Variants in NEIL2 observed in about 807,000 individuals in gnomAD.
NEIL2 encodes nei like DNA glycosylase 2.
In NEIL2, 23 loss-of-function variants were observed where a neutral mutation model predicts 22.2. That is an observed-to-expected ratio of 1.04 (90% confidence interval 0.75 to 1.47). The LOEUF is 1.47. Among genes scored for constraint, NEIL2 ranks in the 40% most tolerant of loss-of-function variants. The pLI is 0.00. For synonymous variants in NEIL2, 229 were observed against 164.8 expected (o/e 1.39, Z -2.99); for missense variants, 583 against 404.7 (o/e 1.44, Z -3.78).
At chr8:11,770,631 T>G (rs542073439) in intron 1 of NEIL2, among the ~76,000 whole-genome samples, 1 of 152,336 alleles carries the variant, frequency 6.6e-6, no homozygotes, top group Middle Eastern at 3.4e-3. Context: ...TCATAACTTA[T>G]AGAGAGGCTG....
chr8:11,771,679 G>A lies in NEIL2; in HGVS notation c.138+94G>A. 2.9e-6 allele frequency: 4 copies of A among 1,383,842 alleles called. No individual in the cohort carries two copies. The South Asian group carries it at 5.5e-5, about 19-fold the overall frequency. The allele number at this position is 1,383,842 out of a possible 1,614,324, so 85.7% of individuals were successfully genotyped here. ...ATATGTCTCAGGGTGTCACTTCCCT[G>A]AGTCCGGAACCACCAAGCTCGGACT... On this transcript the variant is annotated intron_variant, in intron 2 of 4. Coordinates refer to ENST00000284503, the MANE Select transcript of NEIL2 (RefSeq NM_145043.4).
At chr8:11,779,372 G>A (rs181230779) in intron 2 of NEIL2, among the ~76,000 whole-genome samples, 31 of 152,326 alleles carry the variant, frequency 2.0e-4, no homozygotes, top group Admixed American at 1.0e-3. Context: ...GCATGGGTGT[G>A]TTTCACTGCC....
chr8:11,781,623 A>G (rs748391659), intron 3 of NEIL2, among the ~76,000 whole-genome samples: 1 of 152,190 alleles, frequency 6.6e-6, no homozygotes, highest in Non-Finnish European at 1.5e-5. Flanking sequence ...GTGAATGTGT[A>G]TCATGCCATT....
At chr8:11,783,531 C>A in intron 4 of NEIL2, 132 bp downstream of exon 4, 1 of 750,520 alleles carries the variant, frequency 1.3e-6, no homozygotes, top group Non-Finnish European at 2.4e-6. Flanking sequence ...CTTGCTCAAT[C>A]TCCTTTCTTT....
intron 2 of NEIL2, among the ~76,000 whole-genome samples, chr8:11,778,402 T>C (rs1481851806): frequency 6.6e-6 from 1 of 151,752 alleles, no homozygotes; most frequent in Non-Finnish European, 1.5e-5. Flanking sequence ...TTTCGAAAGG[T>C]AATGCTCTTT....
At chr8:11,777,899 A>T (rs989989281) in intron 2 of NEIL2, among the ~76,000 whole-genome samples, 1 of 152,240 alleles carries the variant, frequency 6.6e-6, no homozygotes, top group African/African-American at 2.4e-5. Context: ...TCTATGGCCT[A>T]ATCTCAAAGT....
intron 2 of NEIL2, among the ~76,000 whole-genome samples, chr8:11,775,624 T>G (rs1478698312): frequency 6.6e-6 from 1 of 152,220 alleles, no homozygotes; most frequent in Non-Finnish European, 1.5e-5. Flanking sequence ...TACTGCATCA[T>G]CAGGCTGCAA....
chr8:11,780,447 C>G (rs1209869703), intron 3 of NEIL2, among the ~76,000 whole-genome samples: 1 of 152,204 alleles, frequency 6.6e-6, no homozygotes, highest in Non-Finnish European at 1.5e-5. Flanking sequence ...GTGGCACGAT[C>G]TCGCCTCACT....
Position 11,786,087 on chromosome 8 carries a change from G to T in NEIL2, c.813G>T (p.Trp271Cys). Reference sequence around the variant, plus strand: ...ACGTGGTGGAGTTCAGTACAGCCTGGCTGCAGGGCAAGTTCCAAGGCAGAC... The same window carrying T: ...ACGTGGTGGAGTTCAGTACAGCCTGTCTGCAGGGCAAGTTCCAAGGCAGAC... ...VDHVVEFSTA[W>C]LQGKFQGRPQ... The change falls in exon 5 of 5, where the codon TGG becomes TGT. Residue 271 changes from tryptophan (W) to cysteine (C), a missense_variant. Transcript: ENST00000284503. 1 of 1,614,166 alleles carries T rather than the reference G, an allele frequency of 6.2e-7. No individual in the cohort carries two copies. The highest frequency in any genetic ancestry group is 1.1e-5 in the South Asian group (1 of 91,082).
Position 11,771,582 on chromosome 8 carries a change from C to G in NEIL2, c.135C>G (p.Thr45=), listed in dbSNP as rs919146736. 9 of 1,613,544 alleles carry G rather than the reference C, an allele frequency of 5.6e-6. No individual in the cohort carries two copies. The Admixed American group carries it at 1.5e-4, about 27-fold the overall frequency. ...TGCAGTCTCTGTGGCTCCAGGACACCCAGGTGAGGTAATACTCCTCTGAAG... is the reference window on the plus strand; with the variant it reads ...TGCAGTCTCTGTGGCTCCAGGACACGCAGGTGAGGTAATACTCCTCTGAAG... ...ASLQSLWLQD[T]QVHGKKLFLR... Residue 45 remains threonine, a synonymous_variant, in exon 2 of 5, where the codon ACC becomes ACG. Transcript: ENST00000284503.
intron 4 of NEIL2, among the ~76,000 whole-genome samples, chr8:11,783,824 C>T (rs903989391): frequency 6.6e-6 from 1 of 152,174 alleles, no homozygotes; most frequent in African/African-American, 2.4e-5. Flanking sequence ...GGATGCTGCT[C>T]TTGGGTGGAT....
At chr8:11,778,891 G>A (rs991384123) in intron 2 of NEIL2, among the ~76,000 whole-genome samples, 7 of 129,070 alleles carry the variant, frequency 5.4e-5, no homozygotes, top group Admixed American at 4.9e-4. Flanking sequence ...GATGGAGGCT[G>A]CAGTGAGCCA....
intron 2 of NEIL2, among the ~76,000 whole-genome samples, chr8:11,776,689 C>T (rs1803930097): frequency 6.6e-6 from 1 of 152,154 alleles, no homozygotes; most frequent in South Asian, 2.1e-4. Context: ...CCATTTTTAA[C>T]CTCTTGCCAC....
Position 11,786,882 on chromosome 8 carries a change from C to A in NEIL2, c.*609C>A, listed in dbSNP as rs1805014586. On this transcript the variant is annotated 3_prime_UTR_variant, in exon 5 of 5. Transcript: ENST00000284503. ...TTGAACTCCTACAACTCAAGCATTC[C>A]TCCCACCTTGGTCTCCCAAAATGTT... The A allele has an allele frequency of 6.5e-6, 1 of 154,122 alleles. No individual in the cohort carries two copies. Among genetic ancestry groups the A allele is most frequent in the Non-Finnish European group, 1.4e-5 (1 of 69,406 alleles). The allele number at this position is 154,122 out of a possible 1,614,324, so 9.5% of individuals were successfully genotyped here. A position where few individuals can be genotyped will look rare whatever the true frequency, so the allele number is the denominator to read the frequency against.
rs968010902 is a variant in NEIL2 at position 11,786,324 on chromosome 8, C to G, written c.*51C>G. ...CCTTGCCGCTTGGGGAACCTGACGT[C>G]TAAGTGTCCAGAAAGGAGGATGTGG... is the stretch of plus-strand genomic sequence containing the variant. On this transcript the variant is annotated 3_prime_UTR_variant, in exon 5 of 5. Coordinates refer to ENST00000284503, the MANE Select transcript of NEIL2 (RefSeq NM_145043.4). 2.6e-6 allele frequency: 4 copies of G among 1,559,614 alleles called. No individual in the cohort carries two copies. Among genetic ancestry groups the G allele is most frequent in the African/African-American group, 2.7e-5 (2 of 73,578 alleles).
chr8:11,773,266 C>T (rs538078675), intron 2 of NEIL2, among the ~76,000 whole-genome samples: 1 of 152,144 alleles, frequency 6.6e-6, no homozygotes, highest in Non-Finnish European at 1.5e-5. Context: ...GGTGAAGGAA[C>T]CCGTAGACGG....
chr8:11,773,374 A>G (rs533577216), intron 2 of NEIL2, among the ~76,000 whole-genome samples: 4 of 152,270 alleles, frequency 2.6e-5, no homozygotes, highest in African/African-American at 9.6e-5. Context: ...AGTGCTTTGA[A>G]GTGAGCGCCC....
rs1264900400 is a variant in NEIL2 at position 11,770,210 on chromosome 8, C to G, written c.-128C>G. Reference sequence around the variant, plus strand: ...GGCGGCTTGCTTCCCACCTGTCCATCTCCATAAAAATCCCTAAACGAAACA... The same window carrying G: ...GGCGGCTTGCTTCCCACCTGTCCATGTCCATAAAAATCCCTAAACGAAACA... On this transcript the variant is annotated 5_prime_UTR_variant, in exon 1 of 5. The change creates a new upstream start codon in the 5' untranslated region. Transcript: ENST00000284503. 1 of 152,196 alleles carries G rather than the reference C, an allele frequency of 6.6e-6. No homozygotes were observed. The highest frequency in any genetic ancestry group is 2.4e-5 in the African/African-American group (1 of 41,440). 9.4% of individuals were successfully genotyped at this position (152,196 alleles called of 1,614,324 possible).
rs1804935673 is a variant in NEIL2 at position 11,786,235 on chromosome 8, C to G, written c.961C>G (p.Gln321Glu). 6.2e-7 allele frequency: 1 copy of G among 1,612,850 alleles called. No homozygotes were observed. Among genetic ancestry groups the G allele is most frequent in the Admixed American group, 1.7e-5 (1 of 60,006 alleles). The change falls in exon 5 of 5, where the codon CAG becomes GAG. Residue 321 changes from glutamine to glutamate, a missense_variant. Coordinates refer to ENST00000284503, the MANE Select transcript of NEIL2 (RefSeq NM_145043.4). ...CTGGTGGTGCCCGCAGTGCCAGCCCCAGTTGTCAGAGGAGCCAGAGCAGTG... is the reference window on the plus strand; with the variant it reads ...CTGGTGGTGCCCGCAGTGCCAGCCCGAGTTGTCAGAGGAGCCAGAGCAGTG... Reference protein sequence around the residue: ...LTWWCPQCQPQLSEEPEQCQF... With the variant: ...LTWWCPQCQPELSEEPEQCQF...
Sources: allele counts gnomAD v4.1 joint callset (sites outside exome capture counted in the v4.1 genomes callset), GRCh38; gene constraint gnomAD v4.1.1; transcripts MANE v1.5; gene names NCBI Gene and HGNC (gene_info 2026-07-23, HGNC 2026-07-21).